Variants in CDH13 observed in about 807,000 individuals in gnomAD.
The protein encoded by CDH13 is cadherin-13.
A neutral mutation model predicts 63.8 loss-of-function variants in CDH13; 24 were observed. That is an observed-to-expected ratio of 0.38 (90% CI 0.27 to 0.53). CDH13 has a LOEUF of 0.53. Among genes scored for constraint, CDH13 ranks in the 20% least tolerant of loss-of-function variants. CDH13 has a pLI of 0.85. For missense variants in CDH13, 1,049 were observed against 903.1 expected (o/e 1.16, Z -2.07); for synonymous variants, 503 against 355.3 (o/e 1.42, Z -4.67).
intron 7 of CDH13, among the ~76,000 whole-genome samples, chr16:83,522,896 C>T (rs1259920221): frequency 1.3e-5 from 2 of 152,192 alleles, no homozygotes; most frequent in African/African-American, 4.8e-5. Context: ...CCTAGTGGCT[C>T]TTCCCAGTGT....
intron 3 of CDH13, among the ~76,000 whole-genome samples, chr16:83,091,170 C>G (rs2033888250): frequency 6.6e-6 from 1 of 151,876 alleles, no homozygotes; most frequent in Non-Finnish European, 1.5e-5. Context: ...TTCTTCCTTT[C>G]TCTCTCTTCT....
chr16:83,284,599 G>T (rs2089262744), intron 5 of CDH13, among the ~76,000 whole-genome samples: 1 of 152,074 alleles, frequency 6.6e-6, no homozygotes, highest in Non-Finnish European at 1.5e-5. Context: ...CCGTGTCTGA[G>T]GCTGAGAACT....
At chr16:83,649,837 C>A (rs902652936) in intron 8 of CDH13, among the ~76,000 whole-genome samples, 1 of 152,156 alleles carries the variant, frequency 6.6e-6, no homozygotes, top group African/African-American at 2.4e-5. Flanking sequence ...AAGCACCCAG[C>A]CACCTGAGGA....
chr16:83,581,845 G>T (rs1013264747), intron 7 of CDH13, among the ~76,000 whole-genome samples: 1 of 151,904 alleles, frequency 6.6e-6, no homozygotes, highest in African/African-American at 2.4e-5. Context: ...AATAATAAAA[G>T]AAAACTGAGT....
intron 2 of CDH13, among the ~76,000 whole-genome samples, chr16:82,970,311 C>G (rs1370507796): frequency 6.9e-6 from 1 of 145,530 alleles, no homozygotes; most frequent in Non-Finnish European, 1.5e-5. Flanking sequence ...GCCACATTTT[C>G]TTTATCCAGT....
In CDH13 at chr16:83,213,776, G is replaced by C. The variant is rs575132084; in HGVS notation, c.484-3569G>C. ...TGAAGCCAGCTGGACTTCCTGGGTG[G>C]AGTGGGGACTTGCAGAACTTTTCTT... On this transcript the variant is annotated intron_variant, in intron 4 of 13. Coordinates refer to ENST00000567109, the MANE Select transcript of CDH13 (RefSeq NM_001257.5). 3.9e-5 allele frequency among the ~76,000 whole-genome samples: 6 copies of C among 152,292 alleles called. No individual in the cohort carries two copies. In the East Asian group the frequency reaches 1.2e-3, roughly 29 times the overall value.
chr16:83,200,656 G>A (rs553164988), intron 4 of CDH13, among the ~76,000 whole-genome samples: 4 of 152,152 alleles, frequency 2.6e-5, no homozygotes, highest in South Asian at 2.1e-4. Flanking sequence ...ATTAGTAACC[G>A]AAACTTGAGA....
At chr16:83,004,716 C>A (rs978602342) in intron 2 of CDH13, among the ~76,000 whole-genome samples, 12 of 152,162 alleles carry the variant, frequency 7.9e-5, no homozygotes, top group Admixed American at 7.9e-4. Flanking sequence ...TGGCCTCAAA[C>A]TCCTGACCTC....
At chr16:82,977,123 C>G (rs1194128982) in intron 2 of CDH13, among the ~76,000 whole-genome samples, 1 of 152,228 alleles carries the variant, frequency 6.6e-6, no homozygotes. Context: ...GGCTTCCACA[C>G]CAATGTGGCT....
At chr16:82,998,111 T>C (rs1237439270) in intron 2 of CDH13, among the ~76,000 whole-genome samples, 2 of 152,220 alleles carry the variant, frequency 1.3e-5, no homozygotes, top group African/African-American at 2.4e-5. Flanking sequence ...ATCCTGTCCT[T>C]TCTATGGCTT....
At chr16:82,713,327 G>A (rs1411682080) in intron 1 of CDH13, among the ~76,000 whole-genome samples, 1 of 152,070 alleles carries the variant, frequency 6.6e-6, no homozygotes, top group African/African-American at 2.4e-5. Context: ...AAGAACCACT[G>A]CGCTCAGAAC....
intron 2 of CDH13, among the ~76,000 whole-genome samples, chr16:82,999,973 T>C (rs536469292): frequency 6.6e-6 from 1 of 152,130 alleles, no homozygotes; most frequent in Non-Finnish European, 1.5e-5. Flanking sequence ...ATCTTGTGGG[T>C]AGAATTCAGA....
intron 1 of CDH13, among the ~76,000 whole-genome samples, chr16:82,663,931 G>A (rs1418870180): frequency 6.6e-6 from 1 of 152,192 alleles, no homozygotes; most frequent in East Asian, 1.9e-4. Flanking sequence ...GGCGCATTCT[G>A]CAGCATGACA....
At chr16:82,996,636 T>C (rs1361646823) in intron 2 of CDH13, among the ~76,000 whole-genome samples, 1 of 152,230 alleles carries the variant, frequency 6.6e-6, no homozygotes, top group Non-Finnish European at 1.5e-5. Flanking sequence ...GTTAGCCTTG[T>C]AATAAAAATG....
chr16:83,234,518 A>G (rs1469555650), intron 5 of CDH13, among the ~76,000 whole-genome samples: 1 of 152,154 alleles, frequency 6.6e-6, no homozygotes, highest in African/African-American at 2.4e-5. Flanking sequence ...CTCCAAGTCC[A>G]GATTCCTGCT....
intron 3 of CDH13, among the ~76,000 whole-genome samples, chr16:83,062,591 T>C (rs72796230): frequency 0.05 from 7,559 of 152,228 alleles, 364 homozygotes; most frequent in African/African-American, 0.12. Flanking sequence ...AAGGAAGTGA[T>C]CGTCAGAATA....
intron 10 of CDH13, among the ~76,000 whole-genome samples, chr16:83,678,992 T>C (rs1915185870): frequency 6.6e-6 from 1 of 152,192 alleles, no homozygotes; most frequent in Non-Finnish European, 1.5e-5. Context: ...TGCTCAATGC[T>C]CACTGACTCT....
intron 2 of CDH13, among the ~76,000 whole-genome samples, chr16:82,924,567 G>A (rs1400599856): frequency 2.6e-5 from 4 of 152,138 alleles, no homozygotes; most frequent in African/African-American, 9.7e-5. Flanking sequence ...TGTCAATCGT[G>A]TCTTGAGGTT....
intron 1 of CDH13, among the ~76,000 whole-genome samples, chr16:82,679,471 A>G (rs1914306173): frequency 6.6e-6 from 1 of 152,222 alleles, no homozygotes; most frequent in African/African-American, 2.4e-5. Context: ...GAAGGCTTAA[A>G]CATTAGCAGA....
Sources: gnomAD v4.1 joint callset for allele counts (sites outside exome capture counted in the v4.1 genomes callset) on GRCh38, gnomAD v4.1.1 for gene constraint, MANE v1.5 for transcripts, NCBI Gene and HGNC (gene_info 2026-07-23, HGNC 2026-07-21) for gene names.